Variants in EPHB1 observed in about 807,000 individuals in gnomAD.
The protein encoded by EPHB1 is EPH receptor B1.
Under a neutral mutation model 94.4 loss-of-function variants are expected in EPHB1, and 30 were observed. The ratio of observed to expected loss-of-function variants is 0.32; its 90% CI spans 0.24 to 0.43. The LOEUF (loss-of-function observed/expected upper bound fraction) is 0.43. EPHB1 is among the 20% of genes least tolerant of loss of function. EPHB1 has a pLI of 1.00. For synonymous variants in EPHB1, 522 were observed against 489.1 expected (o/e 1.07, Z -0.89); for missense variants, 1,055 against 1,308.3 (o/e 0.81, Z 2.99).
At chr3:135,084,618 GAGA>G (rs1318681464) in intron 3 of EPHB1, among the ~76,000 whole-genome samples, 7 of 152,200 alleles carry the variant, frequency 4.6e-5, no homozygotes, top group Non-Finnish European at 1.0e-4. Context: ...TTGCAGTCCA[GAGA>G]AGGTGAGTCA....
chr3:135,094,161 C>T lies in EPHB1; in HGVS notation c.806-12287C>T, dbSNP rs564300615. ...TCTGGGTCCTACTTCTCCATCAAGC[C>T]CTGGGAAAGAGGGCAGGCCAGCACA... is the stretch of plus-strand genomic sequence containing the variant. On this transcript the variant is annotated intron_variant, in intron 3 of 15. Transcript: ENST00000398015. Among the ~76,000 whole-genome samples, 3 of 152,336 alleles carry T rather than the reference C, an allele frequency of 2.0e-5. No individual in the cohort carries two copies. The East Asian group carries it at 5.8e-4, about 29-fold the overall frequency.
chr3:135,132,097 T>C (rs1428616044), intron 4 of EPHB1, among the ~76,000 whole-genome samples: 1 of 152,044 alleles, frequency 6.6e-6, no homozygotes, highest in Non-Finnish European at 1.5e-5. Flanking sequence ...GGGCCCAAAG[T>C]GACTACATGA....
intron 3 of EPHB1, among the ~76,000 whole-genome samples, chr3:135,052,702 A>C (rs1039480009): frequency 3.3e-5 from 5 of 150,460 alleles, no homozygotes; most frequent in African/African-American, 1.2e-4. Context: ...TGTACTAAAA[A>C]TACAAAAAAT....
Position 135,248,508 on chromosome 3 carries a change from G to A in EPHB1, c.2689G>A (p.Val897Met), listed in dbSNP as rs61736108. 760 of 1,591,976 alleles carry A rather than the reference G, an allele frequency of 4.8e-4. No homozygotes were observed. In the African/African-American group the frequency reaches 7.3e-3, roughly 15 times the overall value. ...SLKTVATITA[V>M]PSQPLLDRSI... ...CAAGACTGTGGCAACCATCACCGCC[G>A]TGTGAGTCTAGTGAAACGGTGATCC... Residue 897 changes from valine to methionine, a missense_variant and splice_region_variant, in exon 14 of 16, where the codon GTG becomes ATG. Val to Met is a conservative substitution (Grantham distance 21). Coordinates refer to ENST00000398015, the MANE Select transcript of EPHB1 (RefSeq NM_004441.5).
At chr3:135,169,543 C>A (rs1941745127) in intron 9 of EPHB1, among the ~76,000 whole-genome samples, 2 of 152,188 alleles carry the variant, frequency 1.3e-5, no homozygotes, top group Admixed American at 6.5e-5. Flanking sequence ...ATCCATTTCC[C>A]TGACTAAAGC....
intron 3 of EPHB1, among the ~76,000 whole-genome samples, chr3:135,026,137 CA>C: frequency 7.5e-6 from 1 of 133,206 alleles, no homozygotes; most frequent in East Asian, 2.5e-4. Context: ...GAGTAGGTTG[CA>C]AAAATTTTCT....
chr3:135,223,993 T>C (rs562369593), intron 12 of EPHB1, among the ~76,000 whole-genome samples: 1 of 152,332 alleles, frequency 6.6e-6, no homozygotes, highest in South Asian at 2.1e-4. Context: ...AAATCACATA[T>C]ACAATGCTGC....
At chr3:135,214,475 C>A (rs1321756931) in intron 12 of EPHB1, among the ~76,000 whole-genome samples, 1 of 152,198 alleles carries the variant, frequency 6.6e-6, no homozygotes, top group Non-Finnish European at 1.5e-5. Context: ...CAAGGGTAAT[C>A]TCTGTAAGCA....
At chr3:135,048,679 G>C (rs576016622) in intron 3 of EPHB1, among the ~76,000 whole-genome samples, 1 of 152,160 alleles carries the variant, frequency 6.6e-6, no homozygotes, top group Non-Finnish European at 1.5e-5. Flanking sequence ...CCTCGTGCAC[G>C]CACATGCTGG....
intron 11 of EPHB1, among the ~76,000 whole-genome samples, chr3:135,198,080 C>A (rs975101995): frequency 2.0e-5 from 3 of 147,616 alleles, no homozygotes; most frequent in African/African-American, 7.3e-5. Context: ...GGCAAAAGCA[C>A]AGGATAGGAG....
chr3:135,066,964 G>C (rs1385383107), intron 3 of EPHB1, among the ~76,000 whole-genome samples: 1 of 152,130 alleles, frequency 6.6e-6, no homozygotes, highest in Non-Finnish European at 1.5e-5. Flanking sequence ...CCTCTCTTCT[G>C]GGTCTAGACA....
intron 1 of EPHB1, among the ~76,000 whole-genome samples, chr3:134,805,895 A>C (rs992208408): frequency 2.0e-5 from 3 of 152,076 alleles, no homozygotes; most frequent in African/African-American, 7.3e-5. Flanking sequence ...ATCACATTCC[A>C]CACTGGTATC....
intron 1 of EPHB1, among the ~76,000 whole-genome samples, chr3:134,847,703 C>T (rs977341413): frequency 4.6e-5 from 7 of 152,160 alleles, no homozygotes; most frequent in African/African-American, 7.2e-5. Context: ...CAGAGTCACC[C>T]GAGGGAGCTA....
intron 3 of EPHB1, among the ~76,000 whole-genome samples, chr3:135,064,060 G>T (rs1937549958): frequency 6.6e-6 from 1 of 152,110 alleles, no homozygotes; most frequent in Admixed American, 6.5e-5. Context: ...AATCACAGTG[G>T]ATTATCTTTT....
At chr3:134,898,426 C>G (rs2038129380) in intron 1 of EPHB1, among the ~76,000 whole-genome samples, 1 of 152,134 alleles carries the variant, frequency 6.6e-6, no homozygotes, top group Non-Finnish European at 1.5e-5. Context: ...AGAGCCTGAC[C>G]TCCTTTTTCT....
intron 11 of EPHB1, among the ~76,000 whole-genome samples, chr3:135,196,374 G>A (rs1354726203): frequency 6.6e-6 from 1 of 152,108 alleles, no homozygotes; most frequent in African/African-American, 2.4e-5. Flanking sequence ...GCTTGCAGGG[G>A]AAGAAAACCT....
At chr3:135,066,740 G>T (rs1937585414) in intron 3 of EPHB1, among the ~76,000 whole-genome samples, 1 of 151,998 alleles carries the variant, frequency 6.6e-6, no homozygotes, top group South Asian at 2.1e-4. Context: ...TTGAGCTAGT[G>T]TGATTTTTTC....
At chr3:135,216,811 A>G (rs34744364) in intron 12 of EPHB1, among the ~76,000 whole-genome samples, 35,533 of 151,496 alleles carry the variant, frequency 0.23, 4,544 homozygotes, top group Non-Finnish European at 0.29. Flanking sequence ...TAACACCTCA[A>G]TCATTTCCAT....
rs924201873 is a variant in EPHB1 at position 135,132,902 on chromosome 3, C to T, written c.1150C>T (p.Leu384=). The T allele has an allele frequency of 6.2e-7, 1 of 1,614,040 alleles. No individual in the cohort carries two copies. The highest frequency in any genetic ancestry group is 8.5e-7 in the Non-Finnish European group (1 of 1,179,882). ...CAATGTGGAGTTTGTGCCCAGGCAGCTGGGCCTGACGGAGTGCCGCGTCTC... is the reference window on the plus strand; with the variant it reads ...CAATGTGGAGTTTGTGCCCAGGCAGTTGGGCCTGACGGAGTGCCGCGTCTC... ...DDNVEFVPRQ[L]GLTECRVSIS... is the part of the protein sequence containing the mutation. Residue 384 remains leucine, a synonymous_variant, in exon 5 of 16, where the codon CTG becomes TTG. Coordinates refer to ENST00000398015, the MANE Select transcript of EPHB1 (RefSeq NM_004441.5).
Sources: gnomAD v4.1 joint callset for allele counts (sites outside exome capture counted in the v4.1 genomes callset) on GRCh38, gnomAD v4.1.1 for gene constraint, MANE v1.5 for transcripts, NCBI Gene and HGNC (gene_info 2026-07-23, HGNC 2026-07-21) for gene names.